ITPR2: variants seen among roughly 807,000 people sequenced by gnomAD.
ITPR2 encodes inositol 1,4,5-trisphosphate receptor type 2, also known as inositol 1,4,5-trisphosphate-gated calcium channel ITPR2.
Under a neutral mutation model 317.1 loss-of-function variants are expected in ITPR2, and 207 were observed. That is an observed-to-expected ratio of 0.65 (90% CI 0.58 to 0.73). The LOEUF (loss-of-function observed/expected upper bound fraction) is 0.73, where lower values mean the gene tolerates loss of function less well. ITPR2 is among the 30% of genes least tolerant of loss of function. The pLI is 0.00. For missense variants in ITPR2, 2,613 were observed against 3,284.0 expected (o/e 0.80, Z 4.99); for synonymous variants, 1,156 against 1,149.1 (o/e 1.01, Z -0.12).
intron 2 of ITPR2, among the ~76,000 whole-genome samples, chr12:26,761,286 T>C (rs533937655): frequency 2.6e-5 from 4 of 152,340 alleles, no homozygotes; most frequent in South Asian, 2.1e-4. Context: ...GACGGGCTGA[T>C]TGGTGAAGGA....
At chr12:26,682,073 CTA>C in intron 12 of ITPR2, 39 bp from the exon 13 acceptor site, 1 of 1,542,752 alleles carries the variant, frequency 6.5e-7, no homozygotes, top group Non-Finnish European at 8.9e-7. Context: ...TTATAAACAA[CTA>C]TACAATATTC....
At chr12:26,340,630 C>A (rs1413500839) in intron 55 of ITPR2, among the ~76,000 whole-genome samples, 1 of 152,104 alleles carries the variant, frequency 6.6e-6, no homozygotes, top group Non-Finnish European at 1.5e-5. Flanking sequence ...GAGGTGGGGT[C>A]TGGAGGCTGG....
At chr12:26,514,788 AAT>A (rs869093471) in intron 37 of ITPR2, among the ~76,000 whole-genome samples, 6 of 147,288 alleles carry the variant, frequency 4.1e-5, no homozygotes, top group Non-Finnish European at 7.8e-5. Flanking sequence ...AATAATAAAA[AAT>A]AAATAAGATT....
intron 10 of ITPR2, among the ~76,000 whole-genome samples, chr12:26,691,996 C>A (rs1410388619): frequency 2.6e-5 from 4 of 152,032 alleles, no homozygotes; most frequent in South Asian, 2.1e-4. Flanking sequence ...CTGATAGAAC[C>A]TTTGTTTCTG....
intron 55 of ITPR2, among the ~76,000 whole-genome samples, chr12:26,380,264 G>A (rs1939465722): frequency 6.6e-6 from 1 of 152,160 alleles, no homozygotes; most frequent in Non-Finnish European, 1.5e-5. Flanking sequence ...CTAATAAGAG[G>A]AATAGAAAGA....
At chr12:26,784,295 C>G (rs147865270) in intron 2 of ITPR2, among the ~76,000 whole-genome samples, 6 of 11,148 alleles carry the variant, frequency 5.4e-4, no homozygotes, top group South Asian at 9.3e-3. Context: ...CTCTCCCTCT[C>G]CCTCTCCCTC....
At chr12:26,557,965 T>C (rs1407631069) in intron 35 of ITPR2, among the ~76,000 whole-genome samples, 2 of 152,214 alleles carry the variant, frequency 1.3e-5, no homozygotes, top group African/African-American at 4.8e-5. Flanking sequence ...CACTCTTAGC[T>C]ACAGAAGCAC....
At chr12:26,524,268 A>G (rs1368327645) in intron 37 of ITPR2, among the ~76,000 whole-genome samples, 1 of 152,236 alleles carries the variant, frequency 6.6e-6, no homozygotes, top group Non-Finnish European at 1.5e-5. Flanking sequence ...GATACTACAT[A>G]GAGTATAACC....
At chr12:26,748,017 G>T (rs1345992530) in intron 2 of ITPR2, among the ~76,000 whole-genome samples, 2 of 152,112 alleles carry the variant, frequency 1.3e-5, no homozygotes, top group Non-Finnish European at 2.9e-5. Flanking sequence ...AAACCCTGAA[G>T]AAATCATTTT....
chr12:26,790,586 TACACACACACAC>T lies in ITPR2; in HGVS notation c.93-371_93-360del, dbSNP rs10527860. On this transcript the variant is annotated intron_variant, in intron 1 of 56. Coordinates refer to ENST00000381340, the MANE Select transcript of ITPR2 (RefSeq NM_002223.4). Reference sequence around the variant, plus strand: ...CCAATCAATAAGATACATATATGCTTACACACACACACACACACACACACACACACACTTCTA... The same window carrying T: ...CCAATCAATAAGATACATATATGCTTACACACACACACACACACACTTCTA... 3.4e-5 allele frequency among the ~76,000 whole-genome samples: 5 copies of T among 147,820 alleles called. No individual in the cohort carries two copies. The East Asian group carries it at 6.0e-4, about 18-fold the overall frequency.
At chr12:26,414,978 G>T (rs549939473) in intron 51 of ITPR2, among the ~76,000 whole-genome samples, 1 of 152,184 alleles carries the variant, frequency 6.6e-6, no homozygotes, top group South Asian at 2.1e-4. Flanking sequence ...CAGGGAAAAA[G>T]AGGAGGAAAA....
chr12:26,816,952 G>A (rs1950866024), intron 1 of ITPR2, among the ~76,000 whole-genome samples: 1 of 151,840 alleles, frequency 6.6e-6, no homozygotes, highest in South Asian at 2.1e-4. Context: ...GGCCAAGGTG[G>A]GCGGATCACG....
chr12:26,541,103 T>C (rs1348400635), intron 37 of ITPR2, among the ~76,000 whole-genome samples: 1 of 140,242 alleles, frequency 7.1e-6, no homozygotes, highest in Non-Finnish European at 1.5e-5. Context: ...AGGTCAGGAG[T>C]TCAAGACCAG....
Position 26,425,107 on chromosome 12 carries a change from TA to T in ITPR2, c.6945+2805del, listed in dbSNP as rs369662622. Among the ~76,000 whole-genome samples, 20 of 151,970 alleles carry T rather than the reference TA, an allele frequency of 1.3e-4. No individual in the cohort carries two copies. In the East Asian group the frequency reaches 3.7e-3, roughly 28 times the overall value. On this transcript the variant is annotated intron_variant, in intron 49 of 56. Coordinates refer to ENST00000381340, the MANE Select transcript of ITPR2 (RefSeq NM_002223.4). ...TGAAGGTAGATGATATTCGCTAAAA[TA>T]TTTTTTTTTATTTTTTGTAGAGATG...
chr12:26,497,034 T>G (rs1462656467), intron 37 of ITPR2, among the ~76,000 whole-genome samples: 1 of 146,198 alleles, frequency 6.8e-6, no homozygotes, highest in Admixed American at 6.8e-5. Flanking sequence ...CCCAACTTGA[T>G]AATGATTTGA....
chr12:26,392,954 C>G (rs1296856525), intron 54 of ITPR2, among the ~76,000 whole-genome samples: 1 of 152,190 alleles, frequency 6.6e-6, no homozygotes, highest in African/African-American at 2.4e-5. Context: ...GATGCAAGAG[C>G]TAATCTGTGT....
At chr12:26,656,683 G>C in intron 18 of ITPR2, 135 bp from the exon 19 acceptor site, 2 of 854,604 alleles carry the variant, frequency 2.3e-6, no homozygotes, top group Non-Finnish European at 3.6e-6. Flanking sequence ...ACTCTTGACT[G>C]TAGTATGTTA....
intron 1 of ITPR2, among the ~76,000 whole-genome samples, chr12:26,819,488 G>A (rs1216772514): frequency 6.6e-6 from 1 of 152,164 alleles, no homozygotes; most frequent in East Asian, 1.9e-4. Flanking sequence ...GGTGTCATAT[G>A]CCCTATTCTA....
At chr12:26,726,271 C>T (rs1007745614) in intron 2 of ITPR2, among the ~76,000 whole-genome samples, 1 of 152,156 alleles carries the variant, frequency 6.6e-6, no homozygotes, top group Non-Finnish European at 1.5e-5. Flanking sequence ...ATCTGAAAGA[C>T]AATATGATAT....
Sources: allele counts gnomAD v4.1 joint callset (sites outside exome capture counted in the v4.1 genomes callset), GRCh38; gene constraint gnomAD v4.1.1; transcripts MANE v1.5; gene names NCBI Gene and HGNC (gene_info 2026-07-23, HGNC 2026-07-21).